The following PCDH15 variants were observed in gnomAD, a reference collection of about 807,000 sequenced individuals.
The protein encoded by PCDH15 is protocadherin-15.
PCDH15 carries 129 observed loss-of-function variants against 178.5 expected under a neutral mutation model. That is an observed-to-expected ratio of 0.72 (90% confidence interval 0.63 to 0.84). The LOEUF (loss-of-function observed/expected upper bound fraction) is 0.84, where lower values mean the gene tolerates loss of function less well. PCDH15 is among the 40% of genes least tolerant of loss of function. The pLI, the probability that PCDH15 is intolerant of heterozygous loss-of-function variation, is 0.00. For missense variants in PCDH15, 2,230 were observed against 2,099.9 expected (o/e 1.06, Z -1.21); for synonymous variants, 800 against 732.0 (o/e 1.09, Z -1.50).
intron 13 of PCDH15, among the ~76,000 whole-genome samples, chr10:54,165,278 G>A (rs2046106446): frequency 1.3e-5 from 2 of 151,948 alleles, no homozygotes; most frequent in South Asian, 2.1e-4. Context: ...TAGGGTAGGT[G>A]GCTGGCAAAT....
At chr10:54,488,409 C>T (rs1437459488) in intron 3 of PCDH15, among the ~76,000 whole-genome samples, 11 of 151,006 alleles carry the variant, frequency 7.3e-5, no homozygotes, top group Non-Finnish European at 1.5e-5. Flanking sequence ...AACTTAGGGC[C>T]GTGTTTGAAA....
intron 20 of PCDH15, among the ~76,000 whole-genome samples, chr10:54,004,805 C>T (rs1413063262): frequency 6.6e-6 from 1 of 151,482 alleles, no homozygotes; most frequent in Non-Finnish European, 1.5e-5. Context: ...AAAAAAAATT[C>T]TAAACTGTGT....
intron 18 of PCDH15, among the ~76,000 whole-genome samples, chr10:54,047,619 T>C (rs1163643852): frequency 6.6e-6 from 1 of 152,038 alleles, no homozygotes; most frequent in Non-Finnish European, 1.5e-5. Context: ...CAACTTTATG[T>C]CCATGTGTAC....
At chr10:54,839,071 A>G (rs1030644336) in intron 3 of PCDH15, among the ~76,000 whole-genome samples, 4 of 152,176 alleles carry the variant, frequency 2.6e-5, no homozygotes, top group African/African-American at 7.2e-5. Flanking sequence ...AAAGGCTAAA[A>G]GAGGTTTACT....
intron 13 of PCDH15, among the ~76,000 whole-genome samples, chr10:54,156,048 G>C (rs891263801): frequency 6.6e-6 from 1 of 152,140 alleles, no homozygotes; most frequent in Non-Finnish European, 1.5e-5. Flanking sequence ...TATTTACATG[G>C]GGAGGCCAAT....
chr10:54,900,635 A>G (rs902614832), intron 2 of PCDH15, among the ~76,000 whole-genome samples: 2 of 152,334 alleles, frequency 1.3e-5, no homozygotes, highest in East Asian at 1.9e-4. Context: ...TAACACAAAC[A>G]TCACCAAGAT....
chr10:55,178,742 C>T (rs74136384), intron 1 of PCDH15, among the ~76,000 whole-genome samples: 1,869 of 152,218 alleles, frequency 0.012, 37 homozygotes, highest in African/African-American at 0.044. Flanking sequence ...CAGTAATTCA[C>T]CTTTCATGGA....
In PCDH15 at chr10:54,703,683, G is replaced by T. The variant is rs74551609; in HGVS notation, c.-28-39393C>A. Among the ~76,000 whole-genome samples the T allele has an allele frequency of 6.6e-5, 10 of 151,900 alleles. No individual in the cohort carries two copies. In the South Asian group the frequency reaches 1.2e-3, roughly 19 times the overall value. ...ATATAGTTAACCAGGGAGGCAAAAG[G>T]TACCTATAATGAGAATTACAAAACA... is the stretch of plus-strand genomic sequence containing the variant. On this transcript the variant is annotated intron_variant, in intron 1 of 37. Coordinates refer to ENST00000644397, the MANE Select transcript of PCDH15 (RefSeq NM_001384140.1).
At chr10:54,717,453 C>T (rs1232890127) in intron 1 of PCDH15, among the ~76,000 whole-genome samples, 1 of 144,986 alleles carries the variant, frequency 6.9e-6, no homozygotes, top group Non-Finnish European at 1.5e-5. Context: ...GGGCAAAGGA[C>T]ATGAACAGAC....
intron 2 of PCDH15, among the ~76,000 whole-genome samples, chr10:54,643,072 G>T (rs2094030142): frequency 6.6e-6 from 1 of 152,082 alleles, no homozygotes; most frequent in African/African-American, 2.4e-5. Context: ...ACAGGTGCCT[G>T]CCAGCACGCC....
chr10:55,407,796 A>G (rs1838233385), intron 2 of PCDH15, among the ~76,000 whole-genome samples: 2 of 152,202 alleles, frequency 1.3e-5, no homozygotes, highest in South Asian at 4.1e-4. Context: ...TTTCTGGAAA[A>G]GTATAAAATC....
intron 7 of PCDH15, among the ~76,000 whole-genome samples, chr10:54,319,206 A>G (rs1228225683): frequency 6.6e-6 from 1 of 152,210 alleles, no homozygotes; most frequent in East Asian, 1.9e-4. Context: ...TATTTTGTAC[A>G]ACATTGACAA....
intron 2 of PCDH15, among the ~76,000 whole-genome samples, chr10:54,602,154 G>T (rs190560201): frequency 1.3e-5 from 2 of 151,916 alleles, no homozygotes; most frequent in Non-Finnish European, 2.9e-5. Flanking sequence ...AAAGAAAAAT[G>T]TTGTATTTTG....
chr10:54,794,218 C>G (rs1460492936), intron 1 of PCDH15, among the ~76,000 whole-genome samples: 1 of 150,148 alleles, frequency 6.7e-6, no homozygotes, highest in African/African-American at 2.4e-5. Context: ...TACATAAACA[C>G]ACAGCAATGC....
At chr10:54,006,291 G>A (rs1336586748) in intron 20 of PCDH15, among the ~76,000 whole-genome samples, 2 of 152,064 alleles carry the variant, frequency 1.3e-5, no homozygotes, top group African/African-American at 2.4e-5. Flanking sequence ...ACACCAATAG[G>A]AATCTGAAAA....
intron 32 of PCDH15, chr10:53,822,193 C>A: frequency 6.2e-7 from 1 of 1,613,978 alleles, no homozygotes; most frequent in Non-Finnish European, 8.5e-7. Flanking sequence ...CATTTAACAC[C>A]TGTTATACAG....
chr10:54,342,391 G>T (rs1462379606), intron 6 of PCDH15, among the ~76,000 whole-genome samples: 1 of 152,180 alleles, frequency 6.6e-6, no homozygotes, highest in African/African-American at 2.4e-5. Flanking sequence ...CCCATGCCTT[G>T]GTGGCTTACA....
chr10:55,538,054 G>C (rs1447786398), intron 2 of PCDH15, among the ~76,000 whole-genome samples: 2 of 152,140 alleles, frequency 1.3e-5, no homozygotes, highest in African/African-American at 4.8e-5. Flanking sequence ...ATGATGGCTT[G>C]AGAAATGATA....
At chr10:54,044,653 G>C (rs114292135) in intron 18 of PCDH15, among the ~76,000 whole-genome samples, 1 of 152,074 alleles carries the variant, frequency 6.6e-6, no homozygotes, top group Non-Finnish European at 1.5e-5. Context: ...AAAAAACAAC[G>C]TCAAATAAGC....
Sources: gnomAD v4.1 joint callset for allele counts (sites outside exome capture counted in the v4.1 genomes callset) on GRCh38, gnomAD v4.1.1 for gene constraint, MANE v1.5 for transcripts, NCBI Gene and HGNC (gene_info 2026-07-23, HGNC 2026-07-21) for gene names.